Variants in URB1 observed in about 807,000 individuals in gnomAD.
URB1 encodes the protein nucleolar pre-ribosomal-associated protein 1.
Under a neutral mutation model 242.3 loss-of-function variants are expected in URB1, and 197 were observed. The ratio of observed to expected loss-of-function variants is 0.81; its 90% CI spans 0.72 to 0.91. The LOEUF is 0.91. URB1 is among the 40% of genes least tolerant of loss of function. The pLI is 0.00. For synonymous variants in URB1, 1,153 were observed against 1,201.8 expected (o/e 0.96, Z 0.84); for missense variants, 2,721 against 2,860.5 (o/e 0.95, Z 1.11).
In URB1 at chr21:32,321,723, C is replaced by T. The variant is rs984852389; in HGVS notation, c.5484+78G>A. On this transcript the variant is annotated intron_variant, in intron 34 of 38. Coordinates refer to ENST00000382751, the MANE Select transcript of URB1 (RefSeq NM_014825.3). ...GTCCAGGCTGGGAACTGAATTCATACGGACTTGACTTCCAGATAAAATCTT... is the reference window on the plus strand; with the variant it reads ...GTCCAGGCTGGGAACTGAATTCATATGGACTTGACTTCCAGATAAAATCTT... The T allele has an allele frequency of 3.0e-5, 46 of 1,526,478 alleles. No homozygotes were observed. The African/African-American group carries it at 3.0e-4, about 10-fold the overall frequency. The allele number at this position is 1,526,478 out of a possible 1,614,324, so 94.6% of individuals were successfully genotyped here.
chr21:32,333,205 T>C, intron 30 of URB1, 112 bp downstream of exon 30: 1 of 881,494 alleles, frequency 1.1e-6, no homozygotes, highest in Non-Finnish European at 1.8e-6. Flanking sequence ...TTAAGAATTA[T>C]TTCCAAGATT....
chr21:32,367,046 G>A (rs1420839856), intron 9 of URB1, among the ~76,000 whole-genome samples: 1 of 152,140 alleles, frequency 6.6e-6, no homozygotes, highest in African/African-American at 2.4e-5. Flanking sequence ...CCAGAACTAC[G>A]AATGGTACTA....
chr21:32,368,124 G>C (rs190756527), intron 9 of URB1, among the ~76,000 whole-genome samples: 14 of 152,216 alleles, frequency 9.2e-5, no homozygotes, highest in Admixed American at 6.5e-4. Flanking sequence ...CTGGAGTGCA[G>C]TGGCGCGATC....
chr21:32,334,043 A>G (rs1568813321), intron 29 of URB1, 120 bp downstream of exon 29: 14 of 1,257,030 alleles, frequency 1.1e-5, no homozygotes, highest in Non-Finnish European at 2.2e-6. Flanking sequence ...ACCTTTATAT[A>G]TGATAAGATT....
chr21:32,375,336 G>A (rs375873812), intron 6 of URB1, 62 bp downstream of exon 6: 80 of 1,085,620 alleles, frequency 7.4e-5, no homozygotes, highest in African/African-American at 3.4e-4. Context: ...GTAAAACACC[G>A]GAGAATATCT....
chr21:32,345,317 T>TAA, intron 23 of URB1, 57 bp downstream of exon 23: 3 of 1,319,354 alleles, frequency 2.3e-6, no homozygotes, highest in Non-Finnish European at 2.1e-6. Context: ...CTCTATGAAT[T>TAA]AAAAAAAAAA....
chr21:32,315,940 A>T (rs1381884681), intron 38 of URB1, among the ~76,000 whole-genome samples: 1 of 152,114 alleles, frequency 6.6e-6, no homozygotes, highest in Non-Finnish European at 1.5e-5. Context: ...TGGAGCTCTA[A>T]CGGCCCCCTG....
intron 11 of URB1, 90 bp from the exon 12 acceptor site, chr21:32,362,111 G>A: frequency 6.8e-7 from 1 of 1,479,502 alleles, no homozygotes; most frequent in East Asian, 2.5e-5. Context: ...GCAAAAAACA[G>A]GGAGGGGGGT....
At chr21:32,323,283 T>C (rs1274391942) in intron 32 of URB1, among the ~76,000 whole-genome samples, 1 of 152,058 alleles carries the variant, frequency 6.6e-6, no homozygotes, top group Non-Finnish European at 1.5e-5. Flanking sequence ...TGAATTCTAA[T>C]AGCAACTTGA....
Position 32,359,791 on chromosome 21 carries a change from C to CCTACCT in URB1, c.1868_1869+4dup. ...GGGCAGAAGACTGGGAGTTCTGCTT[C>CCTACCT]CTACCTGTGCCTTTAACCACAGAAA... On this transcript the variant is annotated splice_donor_region_variant and intron_variant, in intron 14 of 38. Coordinates refer to ENST00000382751, the MANE Select transcript of URB1 (RefSeq NM_014825.3). 21 of 1,539,852 alleles carry CCTACCT rather than the reference C, an allele frequency of 1.4e-5. No individual in the cohort carries two copies. Among genetic ancestry groups the CCTACCT allele is most frequent in the Non-Finnish European group, 1.7e-5 (20 of 1,143,596 alleles).
chr21:32,336,654 C>A lies in URB1; in HGVS notation c.4685+440G>T, dbSNP rs1323328424. 7.2e-5 allele frequency among the ~76,000 whole-genome samples: 11 copies of A among 152,254 alleles called. No homozygotes were observed. The South Asian group carries it at 1.9e-3, about 26-fold the overall frequency. On this transcript the variant is annotated intron_variant, in intron 28 of 38. Coordinates refer to ENST00000382751, the MANE Select transcript of URB1 (RefSeq NM_014825.3). ...ACACCCACACCCACCTACATACACG[C>A]ATGCACACACAGACACAAGCATGCA... is the stretch of plus-strand genomic sequence containing the variant.
chr21:32,350,748 G>T lies in URB1; in HGVS notation c.2788C>A (p.Gln930Lys), dbSNP rs764283972. Residue 930 changes from glutamine to lysine, a missense_variant, in exon 20 of 39, where the codon CAG becomes AAG. By Grantham distance (53) the Gln-to-Lys change is moderately conservative. Coordinates refer to ENST00000382751, the MANE Select transcript of URB1 (RefSeq NM_014825.3). Reference protein sequence around the residue: ...SMQQVLLAAKQVLLYLRSTVE... With the variant: ...SMQQVLLAAKKVLLYLRSTVE... Reference sequence around the variant, plus strand: ...GTGCTCCGCAGGTAGAGCAACACCTGCTTGGCCGCGAGCAGGACCTGCTGC... The same window carrying T: ...GTGCTCCGCAGGTAGAGCAACACCTTCTTGGCCGCGAGCAGGACCTGCTGC... 9 of 1,551,528 alleles carry T rather than the reference G, an allele frequency of 5.8e-6. No homozygotes were observed.
chr21:32,391,219 G>C (rs1050475824), intron 1 of URB1, among the ~76,000 whole-genome samples: 2 of 151,162 alleles, frequency 1.3e-5, no homozygotes, highest in Admixed American at 1.3e-4. Flanking sequence ...GCCTGTTGTC[G>C]GGTCGGGGGG....
At chr21:32,368,308 TC>T (rs1249401760) in intron 9 of URB1, 94 bp downstream of exon 9, 2 of 1,168,666 alleles carry the variant, frequency 1.7e-6, no homozygotes, top group Non-Finnish European at 2.3e-6. Context: ...CCTCAGGTAA[TC>T]CGCCTGCCTC....
In URB1 at chr21:32,391,793, GC is replaced by G. The variant is rs569530217; in HGVS notation, c.142+975del. The stretch of plus-strand genomic sequence containing the variant: ...TTTGAGAAGACAAGGTGGGAAGATT[GC>G]TTGAGACTGGGAGTTCGAGGGCAGC... On this transcript the variant is annotated intron_variant, in intron 1 of 38. Coordinates refer to ENST00000382751, the MANE Select transcript of URB1 (RefSeq NM_014825.3). Among the ~76,000 whole-genome samples the G allele has an allele frequency of 3.0e-4, 46 of 151,616 alleles. No individual in the cohort carries two copies. The South Asian group carries it at 9.4e-3, about 31-fold the overall frequency.
intron 13 of URB1, among the ~76,000 whole-genome samples, chr21:32,360,680 CT>C (rs1198819025): frequency 6.6e-6 from 1 of 152,146 alleles, no homozygotes; most frequent in African/African-American, 2.4e-5. Context: ...CTCATTTCTG[CT>C]ACACCCTCTG....
intron 10 of URB1, 141 bp downstream of exon 10, chr21:32,366,477 G>A (rs756197456): frequency 1.4e-5 from 17 of 1,193,908 alleles, no homozygotes; most frequent in Non-Finnish European, 2.0e-5. Context: ...TCAAACTACA[G>A]CCTCTGTCCT....
rs1197863478 is a variant in URB1, at chr21:32,329,010, A to G, written c.4961-3621T>C. Among the ~76,000 whole-genome samples the G allele has an allele frequency of 2.6e-5, 4 of 151,940 alleles. No individual in the cohort carries two copies. The East Asian group carries it at 7.8e-4, about 30-fold the overall frequency. On this transcript the variant is annotated intron_variant, in intron 30 of 38. Transcript: ENST00000382751. ...GTGTAATGGCTCACCCAGCCTCCCA[A>G]GGTGCTGTAATCCCCCAGCAACTTG...
chr21:32,366,548 T>C (rs1208617470), intron 10 of URB1, 70 bp downstream of exon 10: 3 of 1,537,358 alleles, frequency 2.0e-6, no homozygotes, highest in Non-Finnish European at 2.6e-6. Flanking sequence ...GTTCTCAGAA[T>C]AATCACATCA....
Sources: gnomAD v4.1 joint callset for allele counts (sites outside exome capture counted in the v4.1 genomes callset) on GRCh38, gnomAD v4.1.1 for gene constraint, MANE v1.5 for transcripts, NCBI Gene and HGNC (gene_info 2026-07-23, HGNC 2026-07-21) for gene names.